SYN3: variants seen among roughly 807,000 people sequenced by gnomAD.
SYN3 encodes the protein synapsin-3.
Under a neutral mutation model 65.8 loss-of-function variants are expected in SYN3, and 35 were observed. That is an observed-to-expected ratio of 0.53 (90% CI 0.41 to 0.70). The LOEUF is 0.70. Among genes scored for constraint, SYN3 ranks in the 30% least tolerant of loss-of-function variants. The probability of loss-of-function intolerance (pLI) is 0.00; values close to 1 mark genes in which losing one functional copy is unlikely to be tolerated. For missense variants in SYN3, 680 were observed against 749.0 expected (o/e 0.91, Z 1.08); for synonymous variants, 270 against 292.9 (o/e 0.92, Z 0.80).
chr22:32,692,559 C>T (rs913747391), intron 6 of SYN3, among the ~76,000 whole-genome samples: 2 of 152,220 alleles, frequency 1.3e-5, no homozygotes, highest in Non-Finnish European at 2.9e-5. Flanking sequence ...ACCCTGGAGG[C>T]CTTGTCATTT....
intron 7 of SYN3, among the ~76,000 whole-genome samples, chr22:32,579,428 C>T (rs779434579): frequency 1.2e-4 from 18 of 152,114 alleles, no homozygotes; most frequent in African/African-American, 1.9e-4. Flanking sequence ...TCTCACACAG[C>T]GGAAGGGGCA....
At chr22:32,852,518 T>C (rs188294038) in intron 6 of SYN3, among the ~76,000 whole-genome samples, 2 of 152,274 alleles carry the variant, frequency 1.3e-5, no homozygotes, top group African/African-American at 4.8e-5. Context: ...GACTTTGTTC[T>C]AGCAGATTAG....
In SYN3 at chr22:32,530,862, C is replaced by T. The variant is rs185900230; in HGVS notation, c.1096-1854G>A. The stretch of plus-strand genomic sequence containing the variant: ...TACTAAAAATACAAAAAAAATTAGC[C>T]GGGCGTGGTGGCAGGTGCCTGTAAT... On this transcript the variant is annotated intron_variant, in intron 10 of 13. Coordinates refer to ENST00000358763, the MANE Select transcript of SYN3 (RefSeq NM_003490.4). Among the ~76,000 whole-genome samples, 597 of 151,828 alleles carry T rather than the reference C, an allele frequency of 3.9e-3. 1 individual carries two copies. The highest frequency in any genetic ancestry group is 0.013 in the Admixed American group (194 of 15,252).
At chr22:33,020,931 A>G (rs1569409834) in intron 1 of SYN3, among the ~76,000 whole-genome samples, 1 of 152,206 alleles carries the variant, frequency 6.6e-6, no homozygotes, top group Non-Finnish European at 1.5e-5. Flanking sequence ...AATGGGTATA[A>G]TAGTACCTAC....
chr22:32,527,819 T>G, intron 12 of SYN3, 99 bp downstream of exon 12: 4 of 1,055,680 alleles, frequency 3.8e-6, no homozygotes, highest in Non-Finnish European at 5.6e-6. Flanking sequence ...TTCAGGTGCA[T>G]TTTCCCAGAG....
intron 7 of SYN3, among the ~76,000 whole-genome samples, chr22:32,554,048 C>T (rs2058455072): frequency 6.6e-6 from 1 of 152,170 alleles, no homozygotes; most frequent in African/African-American, 2.4e-5. Context: ...TTCCCCTTGC[C>T]CAGGCCAAAT....
intron 6 of SYN3, among the ~76,000 whole-genome samples, chr22:32,818,277 TG>T (rs2146039619): frequency 1.3e-5 from 2 of 152,270 alleles, no homozygotes; most frequent in African/African-American, 4.8e-5. Flanking sequence ...ATGGCTCTGC[TG>T]GGCAAAGCAA....
intron 6 of SYN3, among the ~76,000 whole-genome samples, chr22:32,626,807 C>G (rs113193010): frequency 2.6e-5 from 4 of 152,138 alleles, no homozygotes; most frequent in Non-Finnish European, 5.9e-5. Flanking sequence ...ACAAAGCTGT[C>G]GTTTTATCTT....
At chr22:33,022,245 A>G (rs2053572772) in intron 1 of SYN3, among the ~76,000 whole-genome samples, 1 of 152,244 alleles carries the variant, frequency 6.6e-6, no homozygotes, top group Non-Finnish European at 1.5e-5. Flanking sequence ...GCACAAGCAG[A>G]AAATTTTAAA....
At chr22:32,633,331 G>C (rs112575597) in intron 6 of SYN3, among the ~76,000 whole-genome samples, 4 of 152,126 alleles carry the variant, frequency 2.6e-5, no homozygotes, top group African/African-American at 7.2e-5. Flanking sequence ...GACTTGTCCC[G>C]GGTCACACAG....
chr22:32,773,307 T>G (rs148464554), intron 6 of SYN3, among the ~76,000 whole-genome samples: 2,819 of 149,354 alleles, frequency 0.019, 48 homozygotes, highest in Middle Eastern at 0.054. Context: ...CTTGGGAGGC[T>G]GAGGCAGGAG....
intron 6 of SYN3, among the ~76,000 whole-genome samples, chr22:32,731,031 T>C (rs139087850): frequency 2.0e-5 from 3 of 152,298 alleles, no homozygotes; most frequent in Non-Finnish European, 4.4e-5. Flanking sequence ...TTTCTCTCCA[T>C]GACACTCACC....
chr22:32,804,934 G>A (rs1049878623), intron 6 of SYN3, among the ~76,000 whole-genome samples: 2 of 152,298 alleles, frequency 1.3e-5, no homozygotes, highest in South Asian at 2.1e-4. Context: ...TGAAGAAGGC[G>A]GCCTCGGCCC....
At chr22:32,936,946 A>G (rs1366776441) in intron 3 of SYN3, among the ~76,000 whole-genome samples, 1 of 152,194 alleles carries the variant, frequency 6.6e-6, no homozygotes, top group Non-Finnish European at 1.5e-5. Context: ...GCTTAAAACC[A>G]AGTCTTGAAT....
intron 6 of SYN3, among the ~76,000 whole-genome samples, chr22:32,828,125 C>CGA (rs1046349637): frequency 6.6e-6 from 1 of 152,232 alleles, no homozygotes; most frequent in Non-Finnish European, 1.5e-5. Context: ...ACTTGAAACT[C>CGA]TAACATTTGT....
intron 4 of SYN3, among the ~76,000 whole-genome samples, chr22:32,903,353 CG>C (rs997666264): frequency 2.0e-5 from 3 of 152,158 alleles, no homozygotes; most frequent in African/African-American, 4.8e-5. Flanking sequence ...TTTACACATT[CG>C]TTTTTTTAAA....
At chr22:33,046,944 C>T (rs769026288) in intron 1 of SYN3, among the ~76,000 whole-genome samples, 2 of 151,246 alleles carry the variant, frequency 1.3e-5, no homozygotes, top group Non-Finnish European at 2.9e-5. Context: ...TCTTCTCCAA[C>T]TCTCCCTTCC....
chr22:32,949,102 A>T (rs748307269), intron 3 of SYN3, among the ~76,000 whole-genome samples: 2 of 152,144 alleles, frequency 1.3e-5, no homozygotes, highest in African/African-American at 2.4e-5. Context: ...TCCTTTGAGC[A>T]TCATATCACT....
At position 32,788,655 on chromosome 22, in the gene SYN3, A is replaced by G. The variant is rs1392009913; in HGVS notation, c.711+76260T>C. ...GAGATGATTTAAAGTATGTGGGAGG[A>G]TATGTTTAGATTATGTGCAAATACT... On this transcript the variant is annotated intron_variant, in intron 6 of 13. Coordinates refer to ENST00000358763, the MANE Select transcript of SYN3 (RefSeq NM_003490.4). Among the ~76,000 whole-genome samples, 3 of 149,114 alleles carry G rather than the reference A, an allele frequency of 2.0e-5. No individual in the cohort carries two copies. In the Admixed American group the frequency reaches 2.0e-4, roughly 10 times the overall value.
Sources: allele counts gnomAD v4.1 joint callset (sites outside exome capture counted in the v4.1 genomes callset), GRCh38; gene constraint gnomAD v4.1.1; transcripts MANE v1.5; gene names NCBI Gene and HGNC (gene_info 2026-07-23, HGNC 2026-07-21).